The following KLF12 variants were observed in gnomAD, a reference collection of about 807,000 sequenced individuals.
KLF12 encodes KLF transcription factor 12, also known as Krueppel-like factor 12.
In KLF12, 9 loss-of-function variants were observed where a neutral mutation model predicts 37.8. The ratio of observed to expected loss-of-function variants is 0.24; its 90% CI spans 0.14 to 0.42. The LOEUF (loss-of-function observed/expected upper bound fraction) is 0.42. KLF12 is among the 10% of genes least tolerant of loss of function. The probability of loss-of-function intolerance (pLI) is 1.00; values close to 1 mark genes in which losing one functional copy is unlikely to be tolerated. For synonymous variants in KLF12, 208 were observed against 202.1 expected, an observed-to-expected ratio of 1.03 and a Z score of -0.25; for missense variants, 411 against 516.0, an observed-to-expected ratio of 0.80 and a Z score of 1.97.
At chr13:74,174,805 C>T in the KLF12 span, among the ~76,000 whole-genome samples, 1 of 152,232 alleles carries the variant, frequency 6.6e-6, no homozygotes, top group African/African-American at 2.4e-5. Context: ...CTGGTTCAAA[C>T]ATCTGCATCA....
intron 3 of KLF12, among the ~76,000 whole-genome samples, chr13:73,862,229 AG>A (rs1421278589): frequency 6.6e-6 from 1 of 152,186 alleles, no homozygotes; most frequent in African/African-American, 2.4e-5. Flanking sequence ...AACTTGAATT[AG>A]TTTTACAACA....
At chr13:73,889,553 C>G (rs760659737) in intron 3 of KLF12, among the ~76,000 whole-genome samples, 3 of 152,064 alleles carry the variant, frequency 2.0e-5, no homozygotes, top group Non-Finnish European at 4.4e-5. Flanking sequence ...TCTCAATTAC[C>G]AAGTACTGTG....
At chr13:73,843,916 A>G (rs1250577357) in intron 4 of KLF12, among the ~76,000 whole-genome samples, 2 of 152,186 alleles carry the variant, frequency 1.3e-5, no homozygotes, top group Non-Finnish European at 2.9e-5. Context: ...ATGAGTCTTA[A>G]AAGTTCTACT....
intron 3 of KLF12, among the ~76,000 whole-genome samples, chr13:73,898,981 C>A (rs1471612649): frequency 2.0e-5 from 3 of 152,174 alleles, no homozygotes; most frequent in Non-Finnish European, 4.4e-5. Context: ...TGCCAGGCAA[C>A]TGCAGCAGAA....
At chr13:74,101,468 A>T (rs576507457) in intron 1 of KLF12, among the ~76,000 whole-genome samples, 9 of 152,288 alleles carry the variant, frequency 5.9e-5, no homozygotes, top group African/African-American at 2.2e-4. Context: ...CTGTCCACCA[A>T]GAGGACTCAG....
Position 73,690,599 on chromosome 13 carries a change from G to A in KLF12, c.*4891C>T, listed in dbSNP as rs572097603. On this transcript the variant is annotated 3_prime_UTR_variant, in exon 8 of 8. Coordinates refer to ENST00000377669, the MANE Select transcript of KLF12 (RefSeq NM_007249.5). ...AACCATCCTGGCTAAACCATGACAAGTGGCCACTCTATTTTGAACAGAACA... is the reference window on the plus strand; with the variant it reads ...AACCATCCTGGCTAAACCATGACAAATGGCCACTCTATTTTGAACAGAACA... 1 of 152,344 alleles carries A rather than the reference G, an allele frequency of 6.6e-6. No homozygotes were observed. The highest frequency in any genetic ancestry group is 2.1e-4 in the South Asian group (1 of 4,826). 9.4% of individuals were successfully genotyped at this position (152,344 alleles called of 1,614,324 possible). A position where few individuals can be genotyped will look rare whatever the true frequency, so the allele number is the denominator to read the frequency against.
At position 73,908,435 on chromosome 13, in the gene KLF12, C is replaced by T. The variant is rs148138458; in HGVS notation, c.123+35546G>A. Among the ~76,000 whole-genome samples, 317 of 150,564 alleles carry T rather than the reference C, an allele frequency of 2.1e-3. 1 individual carries two copies. Among genetic ancestry groups the T allele is most frequent in the African/African-American group, 6.8e-3 (279 of 41,104 alleles). ...AAAACAAACAAACAAAAAAATTAAC[C>T]TTTCTGATTAATCTTTAACCCTCCT... is the stretch of plus-strand genomic sequence containing the variant. On this transcript the variant is annotated intron_variant, in intron 3 of 7. Coordinates refer to ENST00000377669, the MANE Select transcript of KLF12 (RefSeq NM_007249.5).
chr13:73,996,659 AC>A (rs1892129647), intron 1 of KLF12, among the ~76,000 whole-genome samples: 1 of 152,146 alleles, frequency 6.6e-6, no homozygotes, highest in Non-Finnish European at 1.5e-5. Context: ...ACACATAAAC[AC>A]CCTTCCGTGT....
intron 2 of KLF12, among the ~76,000 whole-genome samples, chr13:73,968,907 C>T (rs922920452): frequency 5.3e-5 from 8 of 152,074 alleles, no homozygotes; most frequent in Non-Finnish European, 1.2e-4. Context: ...CCAGCTCCCA[C>T]CTCTCCCCTG....
chr13:73,754,365 A>G lies in KLF12; in HGVS notation c.869+10573T>C, dbSNP rs534607243. 1.6e-4 allele frequency among the ~76,000 whole-genome samples: 24 copies of G among 152,238 alleles called. No individual in the cohort carries two copies. The South Asian group carries it at 5.0e-3, about 32-fold the overall frequency. On this transcript the variant is annotated intron_variant, in intron 6 of 7. Coordinates refer to ENST00000377669, the MANE Select transcript of KLF12 (RefSeq NM_007249.5). The stretch of plus-strand genomic sequence containing the variant: ...TACGTTTGTTTTTAGGTCTTGGCAT[A>G]ACTTAGGAGAGTCCCAGGGTCCTTT...
the KLF12 span, among the ~76,000 whole-genome samples, chr13:74,244,239 G>T: frequency 1.3e-5 from 2 of 152,084 alleles, no homozygotes; most frequent in Non-Finnish European, 2.9e-5. Context: ...ATGTCACTTT[G>T]TTACTAGAGG....
intron 1 of KLF12, among the ~76,000 whole-genome samples, chr13:74,078,530 T>C (rs1874698652): frequency 6.6e-6 from 1 of 152,236 alleles, no homozygotes; most frequent in African/African-American, 2.4e-5. Context: ...TTGACTGTTT[T>C]GTAAGGATTA....
At chr13:73,727,181 G>T (rs999709523) in intron 6 of KLF12, among the ~76,000 whole-genome samples, 1 of 152,036 alleles carries the variant, frequency 6.6e-6, no homozygotes, top group African/African-American at 2.4e-5. Flanking sequence ...TCCCTTATCA[G>T]ATATATAATT....
chr13:73,943,984 T>G lies in KLF12; in HGVS notation c.120A>C (p.Gln40His), dbSNP rs765752275. 14 of 1,606,350 alleles carry G rather than the reference T, an allele frequency of 8.7e-6. No homozygotes were observed. In the East Asian group the frequency reaches 2.2e-4, roughly 26 times the overall value. ...ATTGCTGGAAACTTGTGCTTACCCC[T>G]TGTTCAGATTCCAAAAGCTCTGTTT... is the stretch of plus-strand genomic sequence containing the variant. The change falls in exon 3 of 8, where the codon CAA becomes CAC. Residue 40 changes from glutamine to histidine, a missense_variant. Gln to His is a conservative substitution (Grantham distance 24). Around this residue, in one of 2 missense-constraint regions of KLF12, gnomAD observed 351 missense variants for 397.8 expected, o/e 0.88. Coordinates refer to ENST00000377669, the MANE Select transcript of KLF12 (RefSeq NM_007249.5).
At chr13:74,019,887 A>AT (rs1318918897) in intron 1 of KLF12, among the ~76,000 whole-genome samples, 2 of 152,222 alleles carry the variant, frequency 1.3e-5, no homozygotes, top group Non-Finnish European at 2.9e-5. Flanking sequence ...GACATTAAAT[A>AT]TAAGTGTCAG....
intron 3 of KLF12, among the ~76,000 whole-genome samples, chr13:73,854,907 T>C (rs1183467206): frequency 6.6e-6 from 1 of 152,182 alleles, no homozygotes; most frequent in African/African-American, 2.4e-5. Context: ...TATACTTGTC[T>C]TCTAATAGAA....
At chr13:73,997,567 T>C (rs1354873519) in intron 1 of KLF12, among the ~76,000 whole-genome samples, 2 of 152,112 alleles carry the variant, frequency 1.3e-5, no homozygotes, top group African/African-American at 4.8e-5. Context: ...CCAATCCCTA[T>C]CAAAAGCAAG....
At chr13:74,158,556 G>C in the KLF12 span, among the ~76,000 whole-genome samples, 1 of 152,084 alleles carries the variant, frequency 6.6e-6, no homozygotes, top group Non-Finnish European at 1.5e-5. Context: ...AGAAAGAAAG[G>C]GATCAAAACA....
intron 5 of KLF12, among the ~76,000 whole-genome samples, chr13:73,798,793 C>T (rs1420539736): frequency 6.6e-6 from 1 of 152,094 alleles, no homozygotes; most frequent in South Asian, 2.1e-4. Context: ...AGAAAAGGAA[C>T]GTTTTTTGCA....
Sources: gnomAD v4.1 joint callset for allele counts (sites outside exome capture counted in the v4.1 genomes callset) on GRCh38, gnomAD v4.1.1 for gene constraint, gnomAD v4.1.1 regional missense constraint, MANE v1.5 for transcripts, NCBI Gene and HGNC (gene_info 2026-07-23, HGNC 2026-07-21) for gene names.